The following AMPH variants were observed in gnomAD, a reference collection of about 807,000 sequenced individuals.
AMPH encodes amphiphysin.
AMPH carries 49 observed loss-of-function variants against 99.1 expected under a neutral mutation model. That is an observed-to-expected ratio of 0.49 (90% CI 0.39 to 0.63). The LOEUF (loss-of-function observed/expected upper bound fraction) is 0.63, where lower values mean the gene tolerates loss of function less well. AMPH is among the 20% of genes least tolerant of loss of function. AMPH has a pLI of 0.00. For missense variants in AMPH, 759 were observed against 863.4 expected (o/e 0.88, Z 1.52); for synonymous variants, 314 against 317.3 (o/e 0.99, Z 0.11).
At chr7:38,397,667 T>C (rs1784709130) in intron 17 of AMPH, among the ~76,000 whole-genome samples, 1 of 152,154 alleles carries the variant, frequency 6.6e-6, no homozygotes, top group African/African-American at 2.4e-5. Context: ...CAAATGGGAT[T>C]ACGTCAAGTT....
chr7:38,497,442 T>A (rs887369840), intron 3 of AMPH, among the ~76,000 whole-genome samples: 21 of 152,198 alleles, frequency 1.4e-4, no homozygotes, highest in Non-Finnish European at 2.6e-4. Context: ...CTTTTCAAAA[T>A]TTTGGACCTT....
chr7:38,517,080 A>G (rs979696236), intron 2 of AMPH, among the ~76,000 whole-genome samples: 3 of 152,232 alleles, frequency 2.0e-5, no homozygotes, highest in Non-Finnish European at 2.9e-5. Flanking sequence ...TTTGTCTCAG[A>G]TAAGACTTTG....
At chr7:38,614,905 C>G (rs1289850581) in intron 1 of AMPH, among the ~76,000 whole-genome samples, 1 of 152,008 alleles carries the variant, frequency 6.6e-6, no homozygotes, top group Non-Finnish European at 1.5e-5. Flanking sequence ...TAAAGAAAAC[C>G]CTCTCCAAAG....
At chr7:38,587,845 C>T (rs567073659) in intron 1 of AMPH, among the ~76,000 whole-genome samples, 3 of 152,044 alleles carry the variant, frequency 2.0e-5, no homozygotes, top group African/African-American at 4.8e-5. Flanking sequence ...TTAATCTCCT[C>T]TATAATCGTG....
intron 11 of AMPH, among the ~76,000 whole-genome samples, chr7:38,446,421 C>G (rs1786783697): frequency 6.6e-6 from 1 of 152,140 alleles, no homozygotes; most frequent in African/African-American, 2.4e-5. Flanking sequence ...AAACATCCAT[C>G]AGATAACTTG....
chr7:38,422,039 T>C (rs1172147016), intron 16 of AMPH, among the ~76,000 whole-genome samples: 1 of 152,176 alleles, frequency 6.6e-6, no homozygotes, highest in African/African-American at 2.4e-5. Context: ...AGATGATAAA[T>C]GGGGTAGTTT....
intron 13 of AMPH, 36 bp downstream of exon 13, chr7:38,432,153 A>G (rs10232299): frequency 0.2 from 323,846 of 1,581,594 alleles, 35,251 homozygotes; most frequent in Middle Eastern, 0.23. Context: ...TCTGGGGATC[A>G]AGATACATGA....
At chr7:38,419,317 A>G (rs1213938426) in intron 16 of AMPH, among the ~76,000 whole-genome samples, 2 of 152,144 alleles carry the variant, frequency 1.3e-5, no homozygotes, top group East Asian at 1.9e-4. Flanking sequence ...ACAAATACAC[A>G]AAGTATTTGT....
chr7:38,526,001 C>G (rs1790172229), intron 2 of AMPH, among the ~76,000 whole-genome samples: 1 of 152,122 alleles, frequency 6.6e-6, no homozygotes, highest in African/African-American at 2.4e-5. Flanking sequence ...GTATACATGT[C>G]TAATTTTTTA....
chr7:38,476,831 G>C (rs776803404), intron 6 of AMPH, 31 bp downstream of exon 6: 1 of 1,506,648 alleles, frequency 6.6e-7, no homozygotes, highest in African/African-American at 1.4e-5. Flanking sequence ...AAAATACGGA[G>C]AGTGGTATTC....
intron 1 of AMPH, among the ~76,000 whole-genome samples, chr7:38,577,945 C>G (rs897522114): frequency 6.6e-6 from 1 of 152,128 alleles, no homozygotes; most frequent in Non-Finnish European, 1.5e-5. Flanking sequence ...TTAGCAAATA[C>G]CAAGGGCTTA....
chr7:38,593,741 C>G (rs1050944135), intron 1 of AMPH, among the ~76,000 whole-genome samples: 15 of 152,146 alleles, frequency 9.9e-5, no homozygotes, highest in African/African-American at 3.4e-4. Flanking sequence ...GTAGTGAACA[C>G]ACAGTCAAAA....
chr7:38,610,294 AAG>A (rs1491346780), intron 1 of AMPH, among the ~76,000 whole-genome samples: 1 of 15,250 alleles, frequency 6.6e-5, no homozygotes, highest in Non-Finnish European at 1.3e-4. Flanking sequence ...GAAAGAAAGA[AAG>A]AAAAGAAAAG....
chr7:38,523,135 G>A (rs1244414140), intron 2 of AMPH, among the ~76,000 whole-genome samples: 1 of 151,246 alleles, frequency 6.6e-6, no homozygotes, highest in Non-Finnish European at 1.5e-5. Context: ...AGGTGGGGGA[G>A]AGCCCAAATA....
intron 14 of AMPH, chr7:38,429,198 T>C: frequency 7.8e-7 from 1 of 1,289,656 alleles, no homozygotes; most frequent in Non-Finnish European, 1.0e-6. Flanking sequence ...GTCAAGTGGG[T>C]CATACAGCTG....
intron 7 of AMPH, among the ~76,000 whole-genome samples, chr7:38,474,487 C>T (rs983606112): frequency 1.3e-5 from 2 of 152,024 alleles, no homozygotes; most frequent in African/African-American, 4.8e-5. Context: ...CAAAAATGGG[C>T]AAACTTTAGT....
At chr7:38,416,849 T>A (rs1397070732) in intron 17 of AMPH, among the ~76,000 whole-genome samples, 1 of 152,208 alleles carries the variant, frequency 6.6e-6, no homozygotes, top group Non-Finnish European at 1.5e-5. Flanking sequence ...TCCATTACTA[T>A]CTTGCACTAT....
intron 1 of AMPH, among the ~76,000 whole-genome samples, chr7:38,574,423 C>T (rs1018476392): frequency 6.6e-6 from 1 of 152,286 alleles, no homozygotes. Flanking sequence ...AAATGAACAC[C>T]CAGAACAACA....
chr7:38,575,672 C>T (rs543412953), intron 1 of AMPH, among the ~76,000 whole-genome samples: 35 of 152,304 alleles, frequency 2.3e-4, no homozygotes, highest in African/African-American at 8.2e-4. Flanking sequence ...CTGAGGCCTC[C>T]CCAGCCATGC....
Sources: allele counts gnomAD v4.1 joint callset (sites outside exome capture counted in the v4.1 genomes callset), GRCh38; gene constraint gnomAD v4.1.1; transcripts MANE v1.5; gene names NCBI Gene and HGNC (gene_info 2026-07-23, HGNC 2026-07-21).